The following CEP128 variants were observed in gnomAD, a reference collection of about 807,000 sequenced individuals.
CEP128 encodes the protein centrosomal protein 128.
In CEP128, 132 loss-of-function variants were observed where a neutral mutation model predicts 156.7. The observed-to-expected ratio is 0.84, with a 90% CI of 0.73 to 0.97. The LOEUF (loss-of-function observed/expected upper bound fraction) is 0.97, where lower values mean the gene tolerates loss of function less well. Ranked by LOEUF, CEP128 falls within the 50% of genes least tolerant of loss-of-function variation. The probability of loss-of-function intolerance (pLI) is 0.00; values close to 1 mark genes in which losing one functional copy is unlikely to be tolerated. For missense variants in CEP128, 1,252 were observed against 1,281.9 expected (o/e 0.98, Z 0.36); for synonymous variants, 469 against 448.9 (o/e 1.04, Z -0.57).
In CEP128 at chr14:80,876,293, T is replaced by C. The variant is rs1888277534; in HGVS notation, c.646-13420A>G. On this transcript the variant is annotated intron_variant, in intron 8 of 24. Transcript: ENST00000555265. ...AAAGCAATTAGAGAAAAAAATCTAT[T>C]ACACCTTAAAAAAAAAGCATCAGGC... 2.0e-5 allele frequency among the ~76,000 whole-genome samples: 3 copies of C among 151,482 alleles called. No individual in the cohort carries two copies. In the South Asian group the frequency reaches 6.3e-4, roughly 32 times the overall value.
At position 80,693,012 on chromosome 14, in the gene CEP128, G is replaced by C. The variant is rs180766858; in HGVS notation, c.2806+50063C>G. Among the ~76,000 whole-genome samples the C allele has an allele frequency of 3.5e-4, 53 of 152,300 alleles. No individual in the cohort carries two copies. The East Asian group carries it at 4.8e-3, about 14-fold the overall frequency. ...GTAGATTCTAATTCAGGAAATCTGA[G>C]ATGAGACCTGAGAGTCTACATTTCT... On this transcript the variant is annotated intron_variant, in intron 19 of 24. Coordinates refer to ENST00000555265, the MANE Select transcript of CEP128 (RefSeq NM_152446.5).
At chr14:80,478,088 T>A (rs1886978212) in exon 15 of CEP128, 1 of 152,120 alleles carries the variant, frequency 6.6e-6, no homozygotes, top group South Asian at 2.1e-4. Context: ...TCTGCTTGAA[T>A]CAATAAACAC....
chr14:80,526,757 A>G, intron 23 of CEP128, 112 bp downstream of exon 23: 1 of 553,498 alleles, frequency 1.8e-6, no homozygotes, highest in Non-Finnish European at 3.2e-6. Flanking sequence ...ATCAAGGAAA[A>G]TATTTTCTTT....
At chr14:80,786,576 A>C (rs1290740388) in intron 14 of CEP128, among the ~76,000 whole-genome samples, 1 of 152,224 alleles carries the variant, frequency 6.6e-6, no homozygotes, top group African/African-American at 2.4e-5. Flanking sequence ...AACTAACAAA[A>C]GGAGATGAAT....
intron 2 of CEP128, among the ~76,000 whole-genome samples, chr14:80,929,567 G>C (rs1203247660): frequency 6.6e-6 from 1 of 152,182 alleles, no homozygotes; most frequent in Non-Finnish European, 1.5e-5. Flanking sequence ...AATGTATTTT[G>C]CAGCAACTTG....
At chr14:80,499,013 C>G (rs1342176532) in intron 24 of CEP128, among the ~76,000 whole-genome samples, 1 of 152,150 alleles carries the variant, frequency 6.6e-6, no homozygotes, top group African/African-American at 2.4e-5. Context: ...TAAAAAATAC[C>G]TGAACCACTG....
At chr14:80,665,580 T>A (rs1034863094) in intron 19 of CEP128, among the ~76,000 whole-genome samples, 1 of 152,130 alleles carries the variant, frequency 6.6e-6, no homozygotes, top group African/African-American at 2.4e-5. Flanking sequence ...AAAAAGGGGA[T>A]AATTCACAGG....
intron 19 of CEP128, among the ~76,000 whole-genome samples, chr14:80,607,447 T>C (rs1246786528): frequency 6.6e-6 from 1 of 152,152 alleles, no homozygotes; most frequent in African/African-American, 2.4e-5. Context: ...TTATAAACCT[T>C]CATCTTTCAA....
At chr14:80,897,621 T>C (rs1485844403) in intron 7 of CEP128, among the ~76,000 whole-genome samples, 2 of 152,110 alleles carry the variant, frequency 1.3e-5, no homozygotes, top group Admixed American at 1.3e-4. Flanking sequence ...TCATCCTTAT[T>C]CTCCCTCACC....
At chr14:80,903,031 CA>C (rs1185912753) in intron 6 of CEP128, among the ~76,000 whole-genome samples, 3 of 151,964 alleles carry the variant, frequency 2.0e-5, no homozygotes, top group African/African-American at 7.3e-5. Flanking sequence ...TATAGAATGA[CA>C]AAAGACCCCA....
chr14:80,916,789 T>C (rs778972473), intron 2 of CEP128, among the ~76,000 whole-genome samples: 9 of 152,236 alleles, frequency 5.9e-5, no homozygotes, highest in Non-Finnish European at 1.2e-4. Flanking sequence ...AGATATGATT[T>C]TGGTCATGTT....
chr14:80,957,809 T>TA, intron 2 of CEP128: 1 of 152,226 alleles, frequency 6.6e-6, no homozygotes, highest in East Asian at 1.9e-4. Context: ...TCCTTCTGGG[T>TA]AAAAGAGAAT....
chr14:80,631,532 A>T (rs936374034), intron 19 of CEP128, among the ~76,000 whole-genome samples: 6 of 152,084 alleles, frequency 3.9e-5, no homozygotes, highest in Admixed American at 3.9e-4. Flanking sequence ...TTCAAAGATA[A>T]CACTACTACT....
exon 15 of CEP128, chr14:80,477,400 A>G (rs1261504200): frequency 6.6e-6 from 1 of 152,236 alleles, no homozygotes; most frequent in East Asian, 1.9e-4. Flanking sequence ...CTTGAGAAAA[A>G]GTTCCATTTT....
intron 19 of CEP128, among the ~76,000 whole-genome samples, chr14:80,631,705 A>C (rs1431598690): frequency 6.6e-6 from 1 of 152,114 alleles, no homozygotes; most frequent in East Asian, 1.9e-4. Flanking sequence ...TTATTCATGT[A>C]ATACAATTCA....
chr14:80,481,683 G>C (rs1210513018), intron 14 of CEP128, among the ~76,000 whole-genome samples: 1 of 152,176 alleles, frequency 6.6e-6, no homozygotes, highest in Admixed American at 6.5e-5. Context: ...TGAATGGCAG[G>C]CTCAATGTCA....
chr14:80,524,779 A>T (rs1888903005), intron 23 of CEP128, among the ~76,000 whole-genome samples: 1 of 152,190 alleles, frequency 6.6e-6, no homozygotes, highest in South Asian at 2.1e-4. Context: ...GTTTTAAAAT[A>T]TTTAAGTAGT....
chr14:80,604,126 T>G (rs2140545958), intron 19 of CEP128, among the ~76,000 whole-genome samples: 2 of 152,326 alleles, frequency 1.3e-5, no homozygotes, highest in South Asian at 4.1e-4. Flanking sequence ...AGCATCCTGT[T>G]GGTGTTTCCT....
intron 2 of CEP128, among the ~76,000 whole-genome samples, chr14:80,950,079 T>C (rs1221016584): frequency 1.2e-4 from 18 of 152,196 alleles, no homozygotes; most frequent in Admixed American, 1.2e-3. Flanking sequence ...CAATGACTGA[T>C]GTCCTTGTAG....
Sources: gnomAD v4.1 joint callset for allele counts (sites outside exome capture counted in the v4.1 genomes callset) on GRCh38, gnomAD v4.1.1 for gene constraint, MANE v1.5 for transcripts, NCBI Gene and HGNC (gene_info 2026-07-23, HGNC 2026-07-21) for gene names.